The following NTNG1 variants were observed in gnomAD, a reference collection of about 807,000 sequenced individuals.
The protein encoded by NTNG1 is netrin-G1.
Under a neutral mutation model 54.0 loss-of-function variants are expected in NTNG1, and 16 were observed. The ratio of observed to expected loss-of-function variants is 0.30; its 90% CI spans 0.20 to 0.45. NTNG1 has a LOEUF of 0.45. NTNG1 is among the 20% of genes least tolerant of loss of function. NTNG1 has a pLI of 1.00. For missense variants in NTNG1, 530 were observed against 678.7 expected (o/e 0.78, Z 2.43); for synonymous variants, 255 against 263.1 (o/e 0.97, Z 0.30).
chr1:107,368,895 T>G (rs1013857949), intron 3 of NTNG1, among the ~76,000 whole-genome samples: 2 of 152,188 alleles, frequency 1.3e-5, no homozygotes, highest in Non-Finnish European at 2.9e-5. Context: ...TGTTTTGACT[T>G]ATGTATACAT....
At chr1:107,268,488 T>A (rs1013047980) in intron 2 of NTNG1, among the ~76,000 whole-genome samples, 32 of 8,340 alleles carry the variant, frequency 3.8e-3, no homozygotes, top group African/African-American at 3.9e-3. Flanking sequence ...CTCATCATAT[T>A]TTTTTTTTTT....
chr1:107,357,520 G>C (rs900275435), intron 3 of NTNG1, among the ~76,000 whole-genome samples: 1 of 152,126 alleles, frequency 6.6e-6, no homozygotes, highest in South Asian at 2.1e-4. Context: ...ACATTTCATA[G>C]TTCCTTAAAA....
intron 4 of NTNG1, chr1:107,395,599 G>A (rs1672637775): frequency 1.7e-6 from 1 of 580,174 alleles, no homozygotes; most frequent in Non-Finnish European, 3.2e-6. Flanking sequence ...GATGAGACAG[G>A]AGGTGATTTT....
intron 2 of NTNG1, among the ~76,000 whole-genome samples, chr1:107,235,978 A>G (rs1661385152): frequency 6.6e-6 from 1 of 152,208 alleles, no homozygotes; most frequent in South Asian, 2.1e-4. Context: ...ATAACAGTGG[A>G]TTACAGCTGA....
chr1:107,300,254 G>C (rs1049684516), intron 2 of NTNG1, among the ~76,000 whole-genome samples: 1 of 152,158 alleles, frequency 6.6e-6, no homozygotes, highest in African/African-American at 2.4e-5. Context: ...AGATGTGGTT[G>C]GCTCGTCACA....
intron 2 of NTNG1, among the ~76,000 whole-genome samples, chr1:107,215,388 G>A (rs1655569148): frequency 6.6e-6 from 1 of 151,958 alleles, no homozygotes; most frequent in African/African-American, 2.4e-5. Flanking sequence ...TGTTGAATAG[G>A]GTGTCCTTCC....
intron 3 of NTNG1, among the ~76,000 whole-genome samples, chr1:107,342,772 AAGGC>A (rs1668975927): frequency 6.6e-6 from 1 of 152,106 alleles, no homozygotes; most frequent in Non-Finnish European, 1.5e-5. Context: ...GCTACTTCTA[AAGGC>A]AGAATTATCC....
At chr1:107,186,878 C>T (rs902461418) in intron 2 of NTNG1, among the ~76,000 whole-genome samples, 1 of 152,100 alleles carries the variant, frequency 6.6e-6, no homozygotes, top group African/African-American at 2.4e-5. Flanking sequence ...TTATCTCTTG[C>T]GATCCTTGTA....
At chr1:107,431,361 T>C (rs1675254694) in intron 6 of NTNG1, among the ~76,000 whole-genome samples, 2 of 152,136 alleles carry the variant, frequency 1.3e-5, no homozygotes. Flanking sequence ...TCAACGAGTA[T>C]TGATAGATTG....
chr1:107,381,159 A>C (rs1486965947), intron 3 of NTNG1, among the ~76,000 whole-genome samples: 2 of 152,132 alleles, frequency 1.3e-5, no homozygotes, highest in Non-Finnish European at 2.9e-5. Flanking sequence ...GGCACTTGAC[A>C]TGTTATGTCA....
chr1:107,242,267 G>A (rs1352251115), intron 2 of NTNG1, among the ~76,000 whole-genome samples: 3 of 152,134 alleles, frequency 2.0e-5, no homozygotes. Context: ...CGTGAGGCAA[G>A]ATTACACTAC....
chr1:107,352,398 G>A (rs761002730), intron 3 of NTNG1, among the ~76,000 whole-genome samples: 19 of 151,944 alleles, frequency 1.3e-4, no homozygotes, highest in Non-Finnish European at 2.5e-4. Context: ...AGCTGTTGGT[G>A]TATCTACAAT....
chr1:107,378,630 G>A (rs181778198), intron 3 of NTNG1, among the ~76,000 whole-genome samples: 1 of 152,208 alleles, frequency 6.6e-6, no homozygotes, highest in African/African-American at 2.4e-5. Context: ...GCCAATGTCA[G>A]GCTCAGGAGA....
chr1:107,207,030 AT>A (rs1388922501), intron 2 of NTNG1, among the ~76,000 whole-genome samples: 1 of 152,202 alleles, frequency 6.6e-6, no homozygotes, highest in African/African-American at 2.4e-5. Context: ...AGGAAAAAAA[AT>A]TAAGATTTTT....
chr1:107,235,324 G>A (rs895791901), intron 2 of NTNG1, among the ~76,000 whole-genome samples: 2 of 151,744 alleles, frequency 1.3e-5, no homozygotes, highest in Non-Finnish European at 2.9e-5. Flanking sequence ...GTGGTTACTG[G>A]GCAAATCAAC....
intron 5 of NTNG1, among the ~76,000 whole-genome samples, chr1:107,420,146 C>A (rs1033917976): frequency 1.3e-5 from 2 of 152,022 alleles, no homozygotes; most frequent in Non-Finnish European, 2.9e-5. Context: ...CAAGATTATG[C>A]ATTGTTCAAA....
rs80202288 is a variant in NTNG1 at position 107,444,983 on chromosome 1, C to A, written c.1390+8184C>A. 5.2e-3 allele frequency among the ~76,000 whole-genome samples: 787 copies of A among 152,174 alleles called. 20 individuals carry two copies. Among genetic ancestry groups the A allele is most frequent in the East Asian group, 0.033 (173 of 5,176 alleles). ...GAAAAAATTTCAAAATTTTCTAAAG[C>A]TACATATATAAAGATAATGTCTAAA... On this transcript the variant is annotated intron_variant, in intron 7 of 7. Coordinates refer to ENST00000370068, the MANE Select transcript of NTNG1 (RefSeq NM_001113226.3).
At chr1:107,224,801 A>T (rs1382955130) in intron 2 of NTNG1, among the ~76,000 whole-genome samples, 1 of 152,182 alleles carries the variant, frequency 6.6e-6, no homozygotes, top group East Asian at 1.9e-4. Flanking sequence ...ATTAAATAGC[A>T]TTCTGATTCA....
chr1:107,244,727 T>A (rs1419163052), intron 2 of NTNG1, among the ~76,000 whole-genome samples: 1 of 152,232 alleles, frequency 6.6e-6, no homozygotes, highest in Admixed American at 6.5e-5. Flanking sequence ...TGTCTGCCAA[T>A]CTAGCTCTCT....
Sources: allele counts gnomAD v4.1 joint callset (sites outside exome capture counted in the v4.1 genomes callset), GRCh38; gene constraint gnomAD v4.1.1; transcripts MANE v1.5; gene names NCBI Gene and HGNC (gene_info 2026-07-23, HGNC 2026-07-21).